Variants in PCLAF observed in about 807,000 individuals in gnomAD.
PCLAF encodes PCNA-associated factor.
Under a neutral mutation model 15.1 loss-of-function variants are expected in PCLAF, and 12 were observed. The ratio of observed to expected loss-of-function variants is 0.79; its 90% CI spans 0.51 to 1.29. The LOEUF is 1.29. Ranked by LOEUF, PCLAF falls within the 50% of genes most tolerant of loss-of-function variation. PCLAF has a pLI of 0.00. For missense variants in PCLAF, 116 were observed against 130.9 expected (o/e 0.89, Z 0.56); for synonymous variants, 33 against 47.1 (o/e 0.70, Z 1.22).
rs201774460 is a variant in PCLAF, at chr15:64,369,564, C to CT, written c.291-3490dup. On this transcript the variant is annotated intron_variant, in intron 3 of 3. Coordinates refer to ENST00000300035, the MANE Select transcript of PCLAF (RefSeq NM_014736.6). ...GCTTATGAACAGCACTGAATAATTT[C>CT]TTTTTTTTTGAGATGGAGTCTCACT... Among the ~76,000 whole-genome samples the CT allele has an allele frequency of 1.9e-4, 29 of 150,788 alleles. No individual in the cohort carries two copies. The East Asian group carries it at 3.7e-3, about 19-fold the overall frequency.
chr15:64,386,619 A>AGTGTGTGTGTGTGT (rs35727456), intron 1 of PCLAF, among the ~76,000 whole-genome samples: 1 of 146,314 alleles, frequency 6.8e-6, no homozygotes, highest in African/African-American at 2.5e-5. Flanking sequence ...CACCACGCCC[A>AGTGTGTGTGTGTGT]GTGTGTGTGT....
At chr15:64,383,376 T>G (rs1443036515), upstream of PCLAF, among the ~76,000 whole-genome samples, 1 of 151,790 alleles carries the variant, frequency 6.6e-6, no homozygotes, top group Non-Finnish European at 1.5e-5. Context: ...TGTGTGTTTT[T>G]TTTTTTTTGA....
chr15:64,372,546 G>A (rs888177607), intron 3 of PCLAF, among the ~76,000 whole-genome samples: 6 of 152,162 alleles, frequency 3.9e-5, no homozygotes, highest in African/African-American at 7.2e-5. Flanking sequence ...CCCAGGAGGC[G>A]GAGCTTGCAG....
rs762138811 is a variant in PCLAF at position 64,366,056 on chromosome 15, C to G, written c.310G>C (p.Asp104His). ...TATTCTTTTTCATCATTTGTGTGAT[C>G]AGGTTGCAAAGGACATGCTCTGTGA... ...AKRKACPLQP[D>H]HTNDEKE The change falls in exon 4 of 4, where the codon GAT becomes CAT. Residue 104 changes from aspartate to histidine, a missense_variant. Transcript: ENST00000300035. The G allele has an allele frequency of 1.2e-6, 2 of 1,611,642 alleles. No individual in the cohort carries two copies. The highest frequency in any genetic ancestry group is 1.7e-6 in the Non-Finnish European group (2 of 1,178,928).
chr15:64,373,995 A>G (rs1029573136), intron 3 of PCLAF, among the ~76,000 whole-genome samples: 4 of 151,876 alleles, frequency 2.6e-5, no homozygotes, highest in African/African-American at 9.7e-5. Flanking sequence ...TCTGTCCCAT[A>G]TGACCTTCAG....
chr15:64,380,987 G>A lies in PCLAF; in HGVS notation c.98C>T (p.Thr33Ile), dbSNP rs1451881314. ...CCTCGATGAAACTGATGTCGAATTA[G>A]TGGCAGAGGTGGAAGAACCAAGCAC... ...RKVLGSSTSATNSTSVSSRKA... is the reference protein window; with the variant it reads ...RKVLGSSTSAINSTSVSSRKA... Residue 33 changes from threonine (T) to isoleucine (I), a missense_variant, in exon 2 of 4, where the codon ACT (threonine) becomes ATT (isoleucine). Coordinates refer to ENST00000300035, the MANE Select transcript of PCLAF (RefSeq NM_014736.6). 1 of 1,614,128 alleles carries A rather than the reference G, an allele frequency of 6.2e-7. No individual in the cohort carries two copies. Among genetic ancestry groups the A allele is most frequent in the Admixed American group, 1.7e-5 (1 of 60,002 alleles).
intron 2 of PCLAF, among the ~76,000 whole-genome samples, chr15:64,377,296 G>C (rs539346489): frequency 6.7e-6 from 1 of 149,494 alleles, no homozygotes; most frequent in South Asian, 2.1e-4. Context: ...TGAAACCCCC[G>C]TCTCTACTAA....
intron 3 of PCLAF, among the ~76,000 whole-genome samples, chr15:64,372,582 C>G (rs1467218536): frequency 2.6e-5 from 4 of 152,104 alleles, no homozygotes; most frequent in African/African-American, 4.8e-5. Flanking sequence ...CCACTGCACC[C>G]CAGCCTGGGC....
At chr15:64,379,085 C>T (rs1899730034) in intron 2 of PCLAF, among the ~76,000 whole-genome samples, 1 of 151,874 alleles carries the variant, frequency 6.6e-6, no homozygotes, top group African/African-American at 2.4e-5. Context: ...TTTAAAATGC[C>T]TTAAAGGATG....
intron 3 of PCLAF, chr15:64,373,049 T>C (rs1240582137): frequency 6.6e-6 from 1 of 152,194 alleles, no homozygotes; most frequent in Non-Finnish European, 1.5e-5. Context: ...ATATCAGCAT[T>C]AAATTAGGAT....
At chr15:64,382,869 G>A (rs1014601739), upstream of PCLAF, 70 of 260,592 alleles carry the variant, frequency 2.7e-4, no homozygotes, top group African/African-American at 1.5e-3. Context: ...GCATGTGCCT[G>A]TAGTCCCAGC....
chr15:64,366,281 T>C (rs1456358997), intron 3 of PCLAF, among the ~76,000 whole-genome samples: 1 of 152,220 alleles, frequency 6.6e-6, no homozygotes, highest in African/African-American at 2.4e-5. Flanking sequence ...TAACAATTTA[T>C]TTGCCTGTTA....
intron 2 of PCLAF, among the ~76,000 whole-genome samples, chr15:64,378,868 G>A (rs1341899153): frequency 6.6e-6 from 1 of 151,502 alleles, no homozygotes; most frequent in African/African-American, 2.4e-5. Flanking sequence ...CCGAGTTCAT[G>A]CCACTGCACT....
chr15:64,366,608 C>A (rs1327609033), intron 3 of PCLAF, among the ~76,000 whole-genome samples: 1 of 151,968 alleles, frequency 6.6e-6, no homozygotes, highest in Non-Finnish European at 1.5e-5. Context: ...GAGGATGAGG[C>A]AGGAGGATTG....
In PCLAF at chr15:64,377,488, AATATATATATAT is replaced by A. The variant is rs1166593614; in HGVS notation, c.128-595_128-584del. Among the ~76,000 whole-genome samples the A allele has an allele frequency of 5.9e-3, 171 of 29,188 alleles. 1 individual carries two copies. Among genetic ancestry groups the A allele is most frequent in the Non-Finnish European group, 6.7e-3 (117 of 17,438 alleles). 19.1% of individuals were successfully genotyped at this position (29,188 alleles called of 152,430 possible). A position where few individuals can be genotyped will look rare whatever the true frequency, so the allele number is the denominator to read the frequency against. ...TCTGTCTCAAAAAAAAAAAAAAAAA[AATATATATATAT>A]ATATATATATATATATATATATATA... On this transcript the variant is annotated intron_variant, in intron 2 of 3. Transcript: ENST00000300035.
At chr15:64,374,263 C>T (rs1033164098) in intron 3 of PCLAF, among the ~76,000 whole-genome samples, 4 of 152,130 alleles carry the variant, frequency 2.6e-5, no homozygotes, top group African/African-American at 7.2e-5. Flanking sequence ...AGTTTGTGGC[C>T]GGGTGTGGTT....
rs138160608 is a variant in PCLAF at position 64,376,809 on chromosome 15, T to A, written c.224A>T (p.Asp75Val). 3.5e-5 allele frequency: 56 copies of A among 1,614,010 alleles called. No homozygotes were observed. In the African/African-American group the frequency reaches 4.9e-4, roughly 14 times the overall value. ...AGGAATCTGATTCTCTTTTTCAGAA[T>A]CTTTAGGGGACAACCTAAAGAATTC... ...IGEFFRLSPK[D>V]SEKENQIPEE... is the part of the protein sequence containing the mutation. Residue 75 changes from aspartate to valine, a missense_variant, in exon 3 of 4, where the codon GAT (aspartate) becomes GTT (valine). Asp to Val is a radical substitution (Grantham distance 152). Transcript: ENST00000300035.
chr15:64,367,706 C>T (rs1337711684), intron 3 of PCLAF, among the ~76,000 whole-genome samples: 1 of 151,452 alleles, frequency 6.6e-6, no homozygotes, highest in Non-Finnish European at 1.5e-5. Context: ...CGCCACCATG[C>T]CCACCTAATT....
At chr15:64,373,640 G>A (rs748887225) in intron 3 of PCLAF, 1 of 1,525,528 alleles carries the variant, frequency 6.6e-7, no homozygotes, top group South Asian at 1.2e-5. Flanking sequence ...AACCTGCACG[G>A]GTAGGAGCAG....
Sources: gnomAD v4.1 joint callset for allele counts (sites outside exome capture counted in the v4.1 genomes callset) on GRCh38, gnomAD v4.1.1 for gene constraint, MANE v1.5 for transcripts, NCBI Gene and HGNC (gene_info 2026-07-23, HGNC 2026-07-21) for gene names.